The following CUL4A variants were observed in gnomAD, a reference collection of about 807,000 sequenced individuals.
CUL4A encodes cullin 4A.
In CUL4A, 16 loss-of-function variants were observed where a neutral mutation model predicts 95.5. The observed-to-expected ratio is 0.17, with a 90% CI of 0.11 to 0.25. CUL4A has a LOEUF of 0.25. Ranked by LOEUF, CUL4A falls within the 10% of genes least tolerant of loss-of-function variation. CUL4A has a pLI of 1.00. For synonymous variants in CUL4A, 380 were observed against 353.1 expected (o/e 1.08, Z -0.85); for missense variants, 610 against 937.0 (o/e 0.65, Z 4.56).
intron 3 of CUL4A, among the ~76,000 whole-genome samples, chr13:113,221,798 G>A (rs1048197269): frequency 3.9e-5 from 6 of 152,078 alleles, no homozygotes; most frequent in African/African-American, 7.2e-5. Flanking sequence ...GGCTGGTCTC[G>A]AACTCCTGAC....
chr13:113,251,140 G>A (rs2041985172), intron 15 of CUL4A, among the ~76,000 whole-genome samples: 1 of 152,182 alleles, frequency 6.6e-6, no homozygotes. Flanking sequence ...GTGAGCCCCT[G>A]TCCGGAGTCC....
intron 2 of CUL4A, among the ~76,000 whole-genome samples, chr13:113,211,542 G>A (rs541093156): frequency 2.0e-5 from 3 of 152,120 alleles, no homozygotes; most frequent in Non-Finnish European, 4.4e-5. Flanking sequence ...CTGCCACCAC[G>A]CCTGGCTAAT....
intron 6 of CUL4A, 81 bp downstream of exon 6, chr13:113,233,420 A>T: frequency 7.5e-7 from 1 of 1,328,322 alleles, no homozygotes; most frequent in South Asian, 1.3e-5. Flanking sequence ...CAAAGATGTT[A>T]AACAATGAAA....
At chr13:113,230,403 C>T (rs2041268995) in intron 5 of CUL4A, among the ~76,000 whole-genome samples, 1 of 152,128 alleles carries the variant, frequency 6.6e-6, no homozygotes, top group Admixed American at 6.6e-5. Context: ...AACATCTATA[C>T]AATTTTGGAC....
At position 113,260,767 on chromosome 13, in the gene CUL4A, T is replaced by C. The variant is rs755030687; in HGVS notation, c.2184+8T>C. On this transcript the variant is annotated splice_region_variant and intron_variant, in intron 19 of 19. Coordinates refer to ENST00000375440, the MANE Select transcript of CUL4A (RefSeq NM_001008895.4). ...CTGAAATTTCCAGTAAAGGTAAATG[T>C]AACATTAGCATAATTAAATTTGTAG... The C allele has an allele frequency of 1.3e-6, 2 of 1,539,956 alleles. No individual in the cohort carries two copies. The highest frequency in any genetic ancestry group is 4.5e-5 in the East Asian group (2 of 44,428).
intron 8 of CUL4A, 72 bp from the exon 9 acceptor site, chr13:113,236,751 C>G: frequency 1.0e-6 from 1 of 988,916 alleles, no homozygotes; most frequent in Non-Finnish European, 1.6e-6. Context: ...GACAAATGCC[C>G]CCATCTTTTG....
At position 113,266,850 on chromosome 13, in the gene CUL4A, T is replaced by C. The variant is rs1011326033; in HGVS notation, c.*3268T>C. 1 of 152,236 alleles carries C rather than the reference T, an allele frequency of 6.6e-6. No individual in the cohort carries two copies. Among genetic ancestry groups the C allele is most frequent in the African/African-American group, 2.4e-5 (1 of 41,450 alleles). The allele number at this position is 152,236 out of a possible 1,614,324, so 9.4% of individuals were successfully genotyped here. ...AAAATACATATATATGAAACCATAATCATAAGATACTTTTTTTGTAAATTG... is the reference window on the plus strand; with the variant it reads ...AAAATACATATATATGAAACCATAACCATAAGATACTTTTTTTGTAAATTG... On this transcript the variant is annotated 3_prime_UTR_variant, in exon 20 of 20. Coordinates refer to ENST00000375440, the MANE Select transcript of CUL4A (RefSeq NM_001008895.4).
At chr13:113,238,798 T>C (rs2041622292) in intron 9 of CUL4A, among the ~76,000 whole-genome samples, 1 of 152,204 alleles carries the variant, frequency 6.6e-6, no homozygotes, top group African/African-American at 2.4e-5. Context: ...TCTGAGACTT[T>C]GTGAATTGTA....
chr13:113,217,652 T>C (rs193296485), intron 2 of CUL4A, among the ~76,000 whole-genome samples: 8 of 152,358 alleles, frequency 5.3e-5, no homozygotes, highest in Admixed American at 4.6e-4. Context: ...AATAGCTTTA[T>C]AACTTTAATT....
At chr13:113,212,787 A>G (rs139884667) in intron 2 of CUL4A, among the ~76,000 whole-genome samples, 2 of 152,358 alleles carry the variant, frequency 1.3e-5, no homozygotes, top group African/African-American at 4.8e-5. Context: ...TCCATTTCAA[A>G]AAAATACAAA....
Position 113,209,788 on chromosome 13 carries a change from G to A in CUL4A, c.148+13G>A, listed in dbSNP as rs1204796301. ...AAGAACTTCCGAGGTGGGTGCGGCG[G>A]CCGGGTCGAGGGCCAGGCGCCCCGG... On this transcript the variant is annotated intron_variant, in intron 1 of 19. Transcript: ENST00000375440. 8.5e-7 allele frequency: 1 copy of A among 1,176,840 alleles called. No homozygotes were observed. Among genetic ancestry groups the A allele is most frequent in the Non-Finnish European group, 1.0e-6 (1 of 952,506 alleles). 72.9% of individuals were successfully genotyped at this position (1,176,840 alleles called of 1,614,324 possible). A position where few individuals can be genotyped will look rare whatever the true frequency, so the allele number is the denominator to read the frequency against.
rs572619965 is a variant in CUL4A, at chr13:113,237,668, G to A, written c.916+778G>A. The stretch of plus-strand genomic sequence containing the variant: ...TTTGAAACAATGTTACCTTCTGAAA[G>A]TCATTTTAAATGTATTTGGAAAATA... On this transcript the variant is annotated intron_variant, in intron 9 of 19. Transcript: ENST00000375440. Among the ~76,000 whole-genome samples, 15 of 152,264 alleles carry A rather than the reference G, an allele frequency of 9.9e-5. No individual in the cohort carries two copies. In the South Asian group the frequency reaches 1.9e-3, roughly 19 times the overall value.
chr13:113,229,880 G>C, intron 5 of CUL4A: 1 of 457,850 alleles, frequency 2.2e-6, no homozygotes, highest in Non-Finnish European at 3.8e-6. Context: ...TGGGGTCGCA[G>C]CCCTGAGGCT....
At chr13:113,210,155 C>A in intron 2 of CUL4A, 67 bp downstream of exon 2, 1 of 1,132,070 alleles carries the variant, frequency 8.8e-7, no homozygotes, top group East Asian at 3.3e-5. Context: ...GCCGGGCGGC[C>A]GCTCCGGGTG....
intron 11 of CUL4A, 98 bp from the exon 12 acceptor site, chr13:113,244,312 G>T: frequency 1.2e-6 from 1 of 815,662 alleles, no homozygotes; most frequent in Non-Finnish European, 2.0e-6. Context: ...AGTCATTTTG[G>T]GAAGGTTCCA....
intron 19 of CUL4A, among the ~76,000 whole-genome samples, chr13:113,262,332 A>T (rs184647112): frequency 5.3e-4 from 81 of 152,284 alleles, no homozygotes; most frequent in Non-Finnish European, 1.2e-4. Flanking sequence ...TGGACATGGC[A>T]TGCAATAACT....
intron 2 of CUL4A, among the ~76,000 whole-genome samples, chr13:113,215,670 C>G (rs2040640399): frequency 6.7e-6 from 1 of 149,546 alleles, no homozygotes; most frequent in Non-Finnish European, 1.5e-5. Context: ...CTGAAGGTCT[C>G]TGTGTGACTA....
At chr13:113,214,206 C>T (rs924252465) in intron 2 of CUL4A, among the ~76,000 whole-genome samples, 4 of 152,148 alleles carry the variant, frequency 2.6e-5, no homozygotes, top group Non-Finnish European at 5.9e-5. Context: ...CTTTTTGGGC[C>T]TCAGCTGGCC....
rs755601346 is a variant in CUL4A, at chr13:113,255,004, G to A, written c.1910G>A (p.Arg637His). Residue 637 changes from arginine (R) to histidine (H), a missense_variant, in exon 18 of 20, where the codon CGT (arginine) becomes CAT (histidine). Physicochemically the swap from Arg to His is conservative, Grantham distance 29. Around this residue, in one of 10 missense-constraint regions of CUL4A, gnomAD observed 72 missense variants for 93.2 expected, o/e 0.77. Coordinates refer to ENST00000375440, the MANE Select transcript of CUL4A (RefSeq NM_001008895.4). ...CAGTCCCTGGCCTGTGGCAAAGCAC[G>A]TGTGCTGATTAAAAGTCCCAAAGGA... ...TLQSLACGKA[R>H]VLIKSPKGKE... 16 of 1,614,100 alleles carry A rather than the reference G, an allele frequency of 9.9e-6. No individual in the cohort carries two copies. Among genetic ancestry groups the A allele is most frequent in the East Asian group, 2.2e-5 (1 of 44,904 alleles).
Sources: gnomAD v4.1 joint callset for allele counts (sites outside exome capture counted in the v4.1 genomes callset) on GRCh38, gnomAD v4.1.1 for gene constraint, gnomAD v4.1.1 regional missense constraint, MANE v1.5 for transcripts, NCBI Gene and HGNC (gene_info 2026-07-23, HGNC 2026-07-21) for gene names.